Variants in CADPS observed in about 807,000 individuals in gnomAD.
The protein encoded by CADPS is calcium dependent secretion activator.
Under a neutral mutation model 167.3 loss-of-function variants are expected in CADPS, and 57 were observed. The observed-to-expected ratio is 0.34, with a 90% confidence interval of 0.28 to 0.42. The LOEUF is 0.42. Among genes scored for constraint, CADPS ranks in the 20% least tolerant of loss-of-function variants. The pLI is 1.00. For missense variants in CADPS, 1,414 were observed against 1,738.1 expected, an observed-to-expected ratio of 0.81 and a Z score of 3.32; for synonymous variants, 676 against 635.3, an observed-to-expected ratio of 1.06 and a Z score of -0.96.
chr3:62,598,102 C>T (rs900369501), intron 6 of CADPS, among the ~76,000 whole-genome samples: 1 of 152,112 alleles, frequency 6.6e-6, no homozygotes, highest in Non-Finnish European at 1.5e-5. Flanking sequence ...TCCATCGTTC[C>T]ATGGGATGTC....
chr3:62,481,542 C>G (rs955828779), intron 22 of CADPS, among the ~76,000 whole-genome samples, 181 bp downstream of exon 22: 1 of 152,182 alleles, frequency 6.6e-6, no homozygotes, highest in Non-Finnish European at 1.5e-5. Flanking sequence ...GTATATATAG[C>G]AAACATCTTA....
At chr3:62,630,411 G>A (rs1382901433) in intron 6 of CADPS, among the ~76,000 whole-genome samples, 2 of 152,262 alleles carry the variant, frequency 1.3e-5, no homozygotes, top group East Asian at 3.9e-4. Flanking sequence ...TGAGATCTCT[G>A]TTCACTGCAA....
At chr3:62,762,446 C>T (rs2085705652) in intron 2 of CADPS, among the ~76,000 whole-genome samples, 1 of 151,830 alleles carries the variant, frequency 6.6e-6, no homozygotes, top group African/African-American at 2.4e-5. Context: ...CACTTGAGCC[C>T]AGGAGTTCAA....
rs142426466 is a variant in CADPS at position 62,510,813 on chromosome 3, C to T, written c.2599+1938G>A. On this transcript the variant is annotated intron_variant, in intron 17 of 29. Coordinates refer to ENST00000383710, the MANE Select transcript of CADPS (RefSeq NM_003716.4). The stretch of plus-strand genomic sequence containing the variant: ...TATCCATGAATTTGTGCTCTATTCT[C>T]ATTAAGAAAATTGAAAAGGGAGGGA... Among the ~76,000 whole-genome samples, 313 of 151,926 alleles carry T rather than the reference C, an allele frequency of 2.1e-3. 4 individuals carry two copies. The highest frequency in any genetic ancestry group is 0.017 in the Admixed American group (257 of 15,252).
At chr3:62,779,224 T>C in intron 1 of CADPS, 1 of 298,122 alleles carries the variant, frequency 3.4e-6, no homozygotes, top group Non-Finnish European at 6.9e-6. Context: ...GGCTGGAGTG[T>C]TTTGACCCTT....
Position 62,550,069 on chromosome 3 carries a change from G to A in CADPS, c.1800C>T (p.Asp600=). ...RAFFNAVKEG[D]TVIFASDDEQ... is the part of the protein sequence containing the mutation. ...CATCGTCACTGGCAAATATCACGGT[G>A]TCTCCCTCCTTGACAGCATTGAAGA... is the stretch of plus-strand genomic sequence containing the variant. The change falls in exon 11 of 30, where the codon GAC becomes GAT. Residue 600 remains aspartate (D), a synonymous_variant. Coordinates refer to ENST00000383710, the MANE Select transcript of CADPS (RefSeq NM_003716.4). 1 of 1,614,036 alleles carries A rather than the reference G, an allele frequency of 6.2e-7. No individual in the cohort carries two copies. The highest frequency in any genetic ancestry group is 1.1e-5 in the South Asian group (1 of 91,080).
At chr3:62,870,852 T>C (rs1490062381) in intron 1 of CADPS, among the ~76,000 whole-genome samples, 3 of 152,194 alleles carry the variant, frequency 2.0e-5, no homozygotes, top group Admixed American at 2.0e-4. Context: ...TCACCGTTAC[T>C]ACATAGTTTA....
At chr3:62,661,514 G>C (rs747026115) in intron 4 of CADPS, among the ~76,000 whole-genome samples, 1 of 152,150 alleles carries the variant, frequency 6.6e-6, no homozygotes. Flanking sequence ...GGAAAGTTGT[G>C]CAAGGTGAGG....
At chr3:62,777,103 A>G (rs2090487436) in intron 1 of CADPS, among the ~76,000 whole-genome samples, 2 of 152,210 alleles carry the variant, frequency 1.3e-5, no homozygotes, top group South Asian at 4.1e-4. Context: ...TGGAGCTCAG[A>G]TTAAAATACT....
intron 13 of CADPS, among the ~76,000 whole-genome samples, chr3:62,528,226 G>A (rs2072786389): frequency 1.3e-5 from 2 of 152,176 alleles, no homozygotes. Flanking sequence ...GGTTACAAAT[G>A]CAAGCACCAA....
intron 1 of CADPS, among the ~76,000 whole-genome samples, chr3:62,800,692 T>C (rs1201704390): frequency 6.6e-6 from 1 of 152,144 alleles, no homozygotes; most frequent in Non-Finnish European, 1.5e-5. Flanking sequence ...ACCCATGCAA[T>C]TTGGTATGTA....
chr3:62,606,704 G>C (rs1210046436), intron 6 of CADPS, among the ~76,000 whole-genome samples: 1 of 152,178 alleles, frequency 6.6e-6, no homozygotes, highest in Non-Finnish European at 1.5e-5. Context: ...TTCGGCCAAC[G>C]GGGCATTGGC....
chr3:62,844,286 A>G (rs2077061469), intron 1 of CADPS, among the ~76,000 whole-genome samples: 1 of 152,154 alleles, frequency 6.6e-6, no homozygotes, highest in Admixed American at 6.6e-5. Flanking sequence ...AGACTTGACT[A>G]AACTCTAAGG....
chr3:62,450,991 T>A lies in CADPS; in HGVS notation c.3637-5194A>T, dbSNP rs543009920. On this transcript the variant is annotated intron_variant, in intron 26 of 29. Transcript: ENST00000383710. ...CATCCTATTATTTAGTTTCTTTTTT[T>A]AAAAAAACTATGAAACCACTTTTAT... Among the ~76,000 whole-genome samples the A allele has an allele frequency of 1.6e-4, 24 of 152,244 alleles. No homozygotes were observed. The South Asian group carries it at 3.5e-3, about 22-fold the overall frequency.
intron 1 of CADPS, among the ~76,000 whole-genome samples, chr3:62,803,908 C>T (rs1032373085): frequency 8.6e-5 from 13 of 152,006 alleles, no homozygotes; most frequent in South Asian, 4.1e-4. Context: ...CTTTTCCCTC[C>T]GTGGGGCCTT....
intron 11 of CADPS, among the ~76,000 whole-genome samples, chr3:62,537,854 AC>A (rs2152058625): frequency 6.6e-6 from 1 of 152,118 alleles, no homozygotes; most frequent in African/African-American, 2.4e-5. Context: ...AATCATTCAA[AC>A]CTAAATCCAT....
chr3:62,849,304 C>A (rs1180896385), intron 1 of CADPS, among the ~76,000 whole-genome samples: 2 of 146,730 alleles, frequency 1.4e-5, no homozygotes, highest in South Asian at 4.6e-4. Flanking sequence ...CCAGAACTTC[C>A]AACACTATGT....
intron 2 of CADPS, among the ~76,000 whole-genome samples, chr3:62,756,679 G>A (rs984034088): frequency 2.0e-5 from 3 of 152,244 alleles, no homozygotes; most frequent in Non-Finnish European, 2.9e-5. Flanking sequence ...ATGTGGTCAA[G>A]AAAGCCTTCC....
chr3:62,653,970 T>C (rs1227586052), intron 4 of CADPS, among the ~76,000 whole-genome samples: 1 of 152,172 alleles, frequency 6.6e-6, no homozygotes, highest in African/African-American at 2.4e-5. Context: ...GGATGGATGC[T>C]TCTGAAATGA....
Sources: allele counts gnomAD v4.1 joint callset (sites outside exome capture counted in the v4.1 genomes callset), GRCh38; gene constraint gnomAD v4.1.1; transcripts MANE v1.5; gene names NCBI Gene and HGNC (gene_info 2026-07-23, HGNC 2026-07-21).